DPP6: variants seen among roughly 807,000 people sequenced by gnomAD.
DPP6 encodes the protein A-type potassium channel modulatory protein DPP6.
A neutral mutation model predicts 122.6 loss-of-function variants in DPP6; 69 were observed. The observed-to-expected ratio is 0.56, with a 90% confidence interval of 0.46 to 0.69. The LOEUF (loss-of-function observed/expected upper bound fraction) is 0.69, where lower values mean the gene tolerates loss of function less well. Ranked by LOEUF, DPP6 falls within the 30% of genes least tolerant of loss-of-function variation. The pLI is 0.00. For synonymous variants in DPP6, 418 were observed against 433.1 expected, an observed-to-expected ratio of 0.97 and a Z score of 0.43; for missense variants, 928 against 1,116.9, an observed-to-expected ratio of 0.83 and a Z score of 2.41.
chr7:153,953,934 A>G (rs1047524640), intron 1 of DPP6, among the ~76,000 whole-genome samples: 2 of 152,226 alleles, frequency 1.3e-5, no homozygotes, highest in African/African-American at 4.8e-5. Flanking sequence ...CAGGTCTTCC[A>G]TGTTACAGTC....
chr7:154,422,624 G>A (rs143758630), intron 1 of DPP6, among the ~76,000 whole-genome samples: 25 of 151,706 alleles, frequency 1.6e-4, no homozygotes, highest in Non-Finnish European at 2.8e-4. Flanking sequence ...GGATGGATGA[G>A]GAGGAGGTGG....
At chr7:154,281,526 C>T (rs1032855764) in intron 1 of DPP6, among the ~76,000 whole-genome samples, 7 of 152,130 alleles carry the variant, frequency 4.6e-5, no homozygotes, top group Non-Finnish European at 7.3e-5. Flanking sequence ...CTTAACACCA[C>T]CACTGTTTGT....
At position 154,591,710 on chromosome 7, in the gene DPP6, C is replaced by T. The variant is rs565554781; in HGVS notation, c.627+24794C>T. Among the ~76,000 whole-genome samples the T allele has an allele frequency of 2.6e-5, 4 of 152,300 alleles. 1 individual carries two copies. In the South Asian group the frequency reaches 8.3e-4, roughly 32 times the overall value. On this transcript the variant is annotated intron_variant, in intron 5 of 25. Coordinates refer to ENST00000377770, the MANE Select transcript of DPP6 (RefSeq NM_130797.4). ...CTGTCTAAATATAAACAGCCTCAGG[C>T]CCTGATCCAGCAGAGGAGACCACAG...
At position 154,763,161 on chromosome 7, in the gene DPP6, G is replaced by A. The variant is rs185410761; in HGVS notation, c.884-6256G>A. Among the ~76,000 whole-genome samples, 555 of 152,252 alleles carry A rather than the reference G, an allele frequency of 3.6e-3. 2 individuals carry two copies. Among genetic ancestry groups the A allele is most frequent in the African/African-American group, 0.012 (513 of 41,538 alleles). ...AGCCTGGCCAACATGGTGAAACCCC[G>A]TCTCTACTAAAAATACAGAAATTAG... On this transcript the variant is annotated intron_variant, in intron 8 of 25. Transcript: ENST00000377770.
intron 1 of DPP6, among the ~76,000 whole-genome samples, chr7:154,254,322 A>G (rs1019182216): frequency 4.6e-5 from 7 of 152,184 alleles, no homozygotes; most frequent in African/African-American, 1.7e-4. Flanking sequence ...GTTGTATTAC[A>G]AAGCCAAATC....
chr7:153,941,783 T>G (rs944435885), intron 1 of DPP6, among the ~76,000 whole-genome samples: 6 of 152,204 alleles, frequency 3.9e-5, no homozygotes, highest in Non-Finnish European at 7.3e-5. Flanking sequence ...CACTGGAGTT[T>G]CTGCATGGAT....
At chr7:154,147,603 C>T (rs1796171112) in intron 1 of DPP6, among the ~76,000 whole-genome samples, 1 of 151,884 alleles carries the variant, frequency 6.6e-6, no homozygotes, top group African/African-American at 2.4e-5. Context: ...CCTCAGCCTC[C>T]TGAGTAGCTG....
chr7:154,414,674 T>C lies in DPP6; in HGVS notation c.244-31540T>C, dbSNP rs1212857644. The stretch of plus-strand genomic sequence containing the variant: ...GTCAGACCAGTCCTGACTTGACCTT[T>C]CTGTGAGGTTGCCATCAGGTGTCGG... On this transcript the variant is annotated intron_variant, in intron 1 of 25. Transcript: ENST00000377770. Among the ~76,000 whole-genome samples, 6 of 152,350 alleles carry C rather than the reference T, an allele frequency of 3.9e-5. No homozygotes were observed. The East Asian group carries it at 9.6e-4, about 24-fold the overall frequency.
intron 7 of DPP6, among the ~76,000 whole-genome samples, chr7:154,693,622 C>T (rs1840053793): frequency 6.6e-6 from 1 of 152,112 alleles, no homozygotes; most frequent in Non-Finnish European, 1.5e-5. Flanking sequence ...CTTCTGAACC[C>T]GCGGAGCCCT....
chr7:154,421,664 AG>A (rs1817485150), intron 1 of DPP6, among the ~76,000 whole-genome samples: 3 of 1,716 alleles, frequency 1.7e-3, no homozygotes, highest in African/African-American at 2.3e-3. Flanking sequence ...AGGGGATTGG[AG>A]ACTGGATGAT....
intron 21 of DPP6, among the ~76,000 whole-genome samples, chr7:154,883,024 C>A (rs1159694540): frequency 6.7e-6 from 1 of 149,914 alleles, no homozygotes; most frequent in African/African-American, 2.5e-5. Flanking sequence ...CATGGATGCT[C>A]ACCCATACAC....
chr7:154,880,836 A>C (rs1488814445), intron 20 of DPP6, 52 bp from the exon 21 acceptor site: 2 of 1,613,784 alleles, frequency 1.2e-6, no homozygotes, highest in Non-Finnish European at 1.7e-6. Flanking sequence ...CAGGAAGACA[A>C]AGTGGCAGCA....
At chr7:154,115,882 A>G (rs910635904) in intron 1 of DPP6, among the ~76,000 whole-genome samples, 9 of 152,094 alleles carry the variant, frequency 5.9e-5, no homozygotes, top group African/African-American at 2.2e-4. Context: ...AACTCTTGCC[A>G]ATCATAGACA....
At chr7:154,343,816 A>G (rs1423487809) in intron 1 of DPP6, among the ~76,000 whole-genome samples, 1 of 150,126 alleles carries the variant, frequency 6.7e-6, no homozygotes, top group Non-Finnish European at 1.5e-5. Flanking sequence ...CCTGACCTCA[A>G]GTGATCCTCC....
At chr7:154,168,931 A>T (rs756979182) in intron 1 of DPP6, among the ~76,000 whole-genome samples, 1 of 152,220 alleles carries the variant, frequency 6.6e-6, no homozygotes, top group African/African-American at 2.4e-5. Flanking sequence ...TTGATCAGGC[A>T]TATCTGTGCA....
the DPP6 span, among the ~76,000 whole-genome samples, chr7:153,852,411 G>A: frequency 7.9e-5 from 12 of 151,998 alleles, no homozygotes; most frequent in Non-Finnish European, 1.2e-4. Context: ...TCATATGGCC[G>A]GAGCAGGAGC....
At chr7:154,245,873 G>A (rs554160713) in intron 1 of DPP6, among the ~76,000 whole-genome samples, 2 of 152,236 alleles carry the variant, frequency 1.3e-5, no homozygotes, top group Admixed American at 6.5e-5. Flanking sequence ...CTCAGTAACT[G>A]TTAGAACAAT....
chr7:154,338,958 C>T (rs1441397212), intron 1 of DPP6, among the ~76,000 whole-genome samples: 1 of 152,174 alleles, frequency 6.6e-6, no homozygotes, highest in Non-Finnish European at 1.5e-5. Context: ...TACCGATGTG[C>T]GGGTGCCAAT....
At chr7:153,872,293 G>A in the DPP6 span, among the ~76,000 whole-genome samples, 3 of 152,108 alleles carry the variant, frequency 2.0e-5, no homozygotes, top group Non-Finnish European at 2.9e-5. Context: ...CCTCACAGGT[G>A]CACTTATATC....
Sources: gnomAD v4.1 joint callset for allele counts (sites outside exome capture counted in the v4.1 genomes callset) on GRCh38, gnomAD v4.1.1 for gene constraint, MANE v1.5 for transcripts, NCBI Gene and HGNC (gene_info 2026-07-23, HGNC 2026-07-21) for gene names.